RAB3IL1: variants seen among roughly 807,000 people sequenced by gnomAD.
RAB3IL1 encodes RAB3A interacting protein like 1, also known as guanine nucleotide exchange factor for Rab-3A.
RAB3IL1 carries 37 observed loss-of-function variants against 49.2 expected under a neutral mutation model. That is an observed-to-expected ratio of 0.75 (90% CI 0.58 to 0.99). The LOEUF is 0.99. Ranked by LOEUF, RAB3IL1 falls within the 50% of genes least tolerant of loss-of-function variation. RAB3IL1 has a pLI of 0.00. For missense variants in RAB3IL1, 484 were observed against 513.0 expected (o/e 0.94, Z 0.55); for synonymous variants, 193 against 213.9 (o/e 0.90, Z 0.85).
upstream of RAB3IL1, among the ~76,000 whole-genome samples, chr11:61,917,765 C>A (rs1359377743): frequency 6.6e-6 from 1 of 152,140 alleles, no homozygotes; most frequent in East Asian, 1.9e-4. Context: ...CCAGCTGACT[C>A]CTCCTCTCCA....
the RAB3IL1 span, among the ~76,000 whole-genome samples, chr11:61,931,613 G>T: frequency 6.6e-5 from 10 of 152,052 alleles, no homozygotes; most frequent in Non-Finnish European, 1.5e-4. Context: ...CAGAGACTCT[G>T]TAGAAAAAAG....
At chr11:61,917,208 T>G in intron 1 of RAB3IL1, 149 bp downstream of exon 1, 1 of 1,223,190 alleles carries the variant, frequency 8.2e-7, no homozygotes, top group Non-Finnish European at 1.0e-6. Flanking sequence ...GTCTCCTGGC[T>G]GCAAGTCGGC....
At chr11:61,942,625 CTA>C in the RAB3IL1 span, among the ~76,000 whole-genome samples, 2 of 152,070 alleles carry the variant, frequency 1.3e-5, no homozygotes, top group Non-Finnish European at 2.9e-5. Flanking sequence ...CACACAAAAA[CTA>C]TTACAGCTAG....
the RAB3IL1 span, among the ~76,000 whole-genome samples, chr11:61,944,250 C>CCTTCCTTT: frequency 1.3e-5 from 2 of 150,108 alleles, no homozygotes; most frequent in Non-Finnish European, 3.0e-5. Flanking sequence ...TTCCTTCCTT[C>CCTTCCTTT]CTTCCTTCCT....
chr11:61,944,212 T>TTCCTTCCC, the RAB3IL1 span, among the ~76,000 whole-genome samples: 14 of 144,680 alleles, frequency 9.7e-5, no homozygotes, highest in African/African-American at 3.6e-4. Context: ...TTTCCTTCCC[T>TTCCTTCCC]TCCTTCCCTC....
chr11:61,906,459 C>T lies in RAB3IL1; in HGVS notation c.657+7G>A. 1 of 1,541,486 alleles carries T rather than the reference C, an allele frequency of 6.5e-7. No homozygotes were observed. The highest frequency in any genetic ancestry group is 1.4e-5 in the African/African-American group (1 of 73,074). Reference sequence around the variant, plus strand: ...CCCCGTGCCCAGAGCCCGCTTCCCACCCTCACCTCCTTGCCCTCTCTGTCT... The same window carrying T: ...CCCCGTGCCCAGAGCCCGCTTCCCATCCTCACCTCCTTGCCCTCTCTGTCT... On this transcript the variant is annotated splice_region_variant and intron_variant, in intron 5 of 9. Coordinates refer to ENST00000394836, the MANE Select transcript of RAB3IL1 (RefSeq NM_013401.4). This position sits in a 1 kb window ranked among gnomAD's most constrained non-coding sequence, Gnocchi z 4.6.
At chr11:61,920,392 GC>G, upstream of RAB3IL1, 2 of 640,726 alleles carry the variant, frequency 3.1e-6, no homozygotes, top group Non-Finnish European at 4.4e-6. Flanking sequence ...GGCTCCTCAG[GC>G]AGCAGAAGAC....
At chr11:61,901,473 C>T (rs1234062295) in intron 8 of RAB3IL1, among the ~76,000 whole-genome samples, 1 of 152,184 alleles carries the variant, frequency 6.6e-6, no homozygotes, top group South Asian at 2.1e-4. Flanking sequence ...TGAGTCTGGG[C>T]GTCAGGAGCC....
intron 1 of RAB3IL1, 143 bp from the exon 2 acceptor site, chr11:61,908,449 A>G (rs1939317362): frequency 7.0e-6 from 7 of 995,112 alleles, no homozygotes; most frequent in Middle Eastern, 3.4e-4. Flanking sequence ...ACCAGCTATC[A>G]TCAGTGTTGT....
chr11:61,899,169 G>C, intron 9 of RAB3IL1, 145 bp downstream of exon 9: 1 of 904,330 alleles, frequency 1.1e-6, no homozygotes, highest in Non-Finnish European at 1.7e-6. Context: ...GTTTGTGAAC[G>C]CTTTACTAAA....
chr11:61,917,619 C>T (rs1939765608), upstream of RAB3IL1: 20 of 1,011,510 alleles, frequency 2.0e-5, no homozygotes, highest in Non-Finnish European at 2.3e-5. Flanking sequence ...GCCCCTCCGC[C>T]GGCCCGGCGC....
At position 61,904,595 on chromosome 11, in the gene RAB3IL1, G is replaced by A; in HGVS notation, c.850C>T (p.Gln284Ter). ...NTLTIEPVAS[Q>*]TLPTVKVAEV... ...GCCACCTTCACTGTGGGCAGCGTCT[G>A]CGAAGCCACCGGCTCAATGGTGAGC... The change falls in exon 7 of 10, where the codon CAG becomes TAG. Residue 284 changes from glutamine to a stop codon, truncating the protein, a stop_gained. Coordinates refer to ENST00000394836, the MANE Select transcript of RAB3IL1 (RefSeq NM_013401.4). LOFTEE classifies it high-confidence loss of function. 1 of 1,613,362 alleles carries A rather than the reference G, an allele frequency of 6.2e-7. No homozygotes were observed.
At chr11:61,920,218 C>T (rs1591244311), upstream of RAB3IL1, 3 of 1,251,588 alleles carry the variant, frequency 2.4e-6, no homozygotes, top group Non-Finnish European at 3.0e-6. Flanking sequence ...CTGAGGGTCC[C>T]TCTGGAGGGT....
intron 4 of RAB3IL1, 71 bp downstream of exon 4, chr11:61,907,322 C>G: frequency 1.3e-6 from 2 of 1,526,910 alleles, no homozygotes; most frequent in South Asian, 2.3e-5. Flanking sequence ...GGCAGCAAAG[C>G]TCAGTGCTCG....
rs73491237 is a variant in RAB3IL1 at position 61,906,745 on chromosome 11, C to T, written c.439-61G>A. On this transcript the variant is annotated intron_variant, in intron 4 of 9. Transcript: ENST00000394836. This position sits in a 1 kb window ranked among gnomAD's most constrained non-coding sequence, Gnocchi z 4.6. ...GACTGGATGCCATCCTGGCTGCCAC[C>T]GCCTATCAGCCTAACTCAGGACAAT... is the stretch of plus-strand genomic sequence containing the variant. 3,179 of 1,468,174 alleles carry T rather than the reference C, an allele frequency of 2.2e-3. 20 individuals carry two copies. The highest frequency in any genetic ancestry group is 0.021 in the African/African-American group (1,540 of 72,100). 90.9% of individuals were successfully genotyped at this position (1,468,174 alleles called of 1,614,324 possible). A position where few individuals can be genotyped will look rare whatever the true frequency, so the allele number is the denominator to read the frequency against.
upstream of RAB3IL1, among the ~76,000 whole-genome samples, chr11:61,918,084 C>G (rs775669675): frequency 3.9e-5 from 6 of 152,166 alleles, no homozygotes; most frequent in Admixed American, 6.5e-5. Flanking sequence ...CCACTTAACA[C>G]GCTCTGCCCA....
At chr11:61,909,679 T>C (rs983789012) in intron 1 of RAB3IL1, among the ~76,000 whole-genome samples, 8 of 152,230 alleles carry the variant, frequency 5.3e-5, no homozygotes, top group African/African-American at 1.9e-4. Context: ...TACTCCTGTT[T>C]GGGGAAGTCT....
chr11:61,920,123 C>T (rs1488968949), upstream of RAB3IL1: 1 of 1,351,156 alleles, frequency 7.4e-7, no homozygotes, highest in Non-Finnish European at 9.6e-7. Context: ...ACAGTCCCTG[C>T]ACTCATGGCC....
At chr11:61,928,067 A>C in the RAB3IL1 span, among the ~76,000 whole-genome samples, 1 of 152,110 alleles carries the variant, frequency 6.6e-6, no homozygotes, top group African/African-American at 2.4e-5. Flanking sequence ...CATATCAAAA[A>C]GATGGCTACT....
Sources: allele counts gnomAD v4.1 joint callset (sites outside exome capture counted in the v4.1 genomes callset), GRCh38; gene constraint gnomAD v4.1.1; non-coding constraint Gnocchi (gnomAD v3.1); transcripts MANE v1.5; gene names NCBI Gene and HGNC (gene_info 2026-07-23, HGNC 2026-07-21).